NEK1: variants seen among roughly 807,000 people sequenced by gnomAD.
NEK1 encodes NIMA related kinase 1.
A neutral mutation model predicts 182.1 loss-of-function variants in NEK1; 137 were observed. The ratio of observed to expected loss-of-function variants is 0.75; its 90% CI spans 0.65 to 0.87. NEK1 has a LOEUF of 0.87. Ranked by LOEUF, NEK1 falls within the 40% of genes least tolerant of loss-of-function variation. NEK1 has a pLI of 0.00. For missense variants in NEK1, 1,391 were observed against 1,494.4 expected, an observed-to-expected ratio of 0.93 and a Z score of 1.14; for synonymous variants, 513 against 492.2, an observed-to-expected ratio of 1.04 and a Z score of -0.56.
At chr4:169,431,921 T>C (rs563362115) in intron 29 of NEK1, among the ~76,000 whole-genome samples, 11 of 151,822 alleles carry the variant, frequency 7.2e-5, no homozygotes, top group Admixed American at 2.0e-4. Flanking sequence ...TACTTCAGCA[T>C]GGCAAAACCA....
intron 26 of NEK1, among the ~76,000 whole-genome samples, chr4:169,476,490 A>G (rs562607364): frequency 5.8e-4 from 89 of 152,294 alleles, no homozygotes; most frequent in African/African-American, 2.1e-3. Flanking sequence ...TAAATAAGCA[A>G]AATAAATGCT....
rs537606349 is a variant in NEK1 at position 169,493,987 on chromosome 4, T to C, written c.2007+13050A>G. Among the ~76,000 whole-genome samples, 151 of 152,178 alleles carry C rather than the reference T, an allele frequency of 9.9e-4. 1 individual carries two copies. The highest frequency in any genetic ancestry group is 3.5e-3 in the African/African-American group (147 of 41,518). ...AGATGACCATCACCAAGGCACACAGTCATCAGACAATCCAGGGTCAATGTG... is the reference window on the plus strand; with the variant it reads ...AGATGACCATCACCAAGGCACACAGCCATCAGACAATCCAGGGTCAATGTG... On this transcript the variant is annotated intron_variant, in intron 23 of 35. Coordinates refer to ENST00000507142, the MANE Select transcript of NEK1 (RefSeq NM_001199397.3).
intron 23 of NEK1, among the ~76,000 whole-genome samples, chr4:169,483,230 A>C (rs544887641): frequency 1.1e-4 from 17 of 152,324 alleles, no homozygotes; most frequent in African/African-American, 4.1e-4. Flanking sequence ...ACATTCATCA[A>C]TTAAATTTCC....
At chr4:169,499,721 G>T (rs571168104) in intron 23 of NEK1, among the ~76,000 whole-genome samples, 72 of 152,272 alleles carry the variant, frequency 4.7e-4, no homozygotes, top group African/African-American at 1.7e-3. Flanking sequence ...AGTGGATATT[G>T]GTGAACAGCA....
chr4:169,460,237 C>T (rs1314955125), intron 27 of NEK1, among the ~76,000 whole-genome samples: 5 of 151,736 alleles, frequency 3.3e-5, no homozygotes, highest in Non-Finnish European at 5.9e-5. Context: ...TAAAAGAAAG[C>T]GGTACAACTG....
At chr4:169,506,262 A>G (rs575188182) in intron 23 of NEK1, among the ~76,000 whole-genome samples, 20 of 152,286 alleles carry the variant, frequency 1.3e-4, no homozygotes, top group African/African-American at 4.8e-4. Flanking sequence ...CAGAAAAGAC[A>G]GAGTAACAGA....
intron 10 of NEK1, among the ~76,000 whole-genome samples, 184 bp from the exon 11 acceptor site, chr4:169,581,086 T>C (rs1463501327): frequency 6.8e-6 from 1 of 146,852 alleles, no homozygotes; most frequent in Non-Finnish European, 1.5e-5. Context: ...TCGTGGTTCA[T>C]GCCTGAAATC....
chr4:169,537,803 T>A lies in NEK1; in HGVS notation c.1665+6A>T. On this transcript the variant is annotated splice_donor_region_variant and intron_variant, in intron 19 of 35. Coordinates refer to ENST00000507142, the MANE Select transcript of NEK1 (RefSeq NM_001199397.3). The stretch of plus-strand genomic sequence containing the variant: ...TCAAAATCTCAGAAACAAACAAAAT[T>A]CATACCATATGTCCTTCGGCTCGAG... The A allele has an allele frequency of 6.2e-7, 1 of 1,606,660 alleles. No homozygotes were observed. Among genetic ancestry groups the A allele is most frequent in the Non-Finnish European group, 8.5e-7 (1 of 1,173,556 alleles).
chr4:169,472,026 A>T (rs2149530047), intron 26 of NEK1, among the ~76,000 whole-genome samples: 1 of 152,234 alleles, frequency 6.6e-6, no homozygotes, highest in East Asian at 1.9e-4. Flanking sequence ...GTTTCAAGCC[A>T]GTGGATCTTA....
chr4:169,468,799 T>A (rs940840083), intron 26 of NEK1, among the ~76,000 whole-genome samples: 6 of 152,208 alleles, frequency 3.9e-5, no homozygotes, highest in African/African-American at 1.4e-4. Context: ...TCAGAACTTG[T>A]TATTGGTCTA....
In NEK1 at chr4:169,401,745, T is replaced by A. The variant is rs1466904378; in HGVS notation, c.3490A>T (p.Ser1164Cys). 1 of 1,613,968 alleles carries A rather than the reference T, an allele frequency of 6.2e-7. No homozygotes were observed. The highest frequency in any genetic ancestry group is 1.7e-5 in the Admixed American group (1 of 60,012). Residue 1164 changes from serine to cysteine, a missense_variant, in exon 33 of 36, where the codon AGT becomes TGT. Around this residue, in one of 5 missense-constraint regions of NEK1, gnomAD observed 1,216 missense variants for 1,277.6 expected, o/e 0.95. Transcript: ENST00000507142. ...CCATTTGCAGTTGGCTCCACATCACTGTTCTTCAAGACTGACTCTTCTTCT... is the reference window on the plus strand; with the variant it reads ...CCATTTGCAGTTGGCTCCACATCACAGTTCTTCAAGACTGACTCTTCTTCT... Reference protein sequence around the residue: ...SEEEESVLKNSDVEPTANGTD... With the variant: ...SEEEESVLKNCDVEPTANGTD...
chr4:169,587,583 A>G lies in NEK1; in HGVS notation c.582T>C (p.Tyr194=). 1 of 1,550,746 alleles carries G rather than the reference A, an allele frequency of 6.4e-7. No homozygotes were observed. The highest frequency in any genetic ancestry group is 8.7e-7 in the Non-Finnish European group (1 of 1,144,208). ...SDIWALGCVL[Y]ELCTLKHAFE... ...CAGCATGTTTAAGTGTACACAGCTC[A>G]TAAAGGACACACCCCAGAGCCCAAA... The change falls in exon 9 of 36, where the codon TAT becomes TAC. Residue 194 remains tyrosine (Y), a synonymous_variant. Transcript: ENST00000507142.
Position 169,508,248 on chromosome 4 carries a change from C to CT in NEK1, c.1832dup (p.Lys612GlufsTer4). ...TCAAAAAAATAGCTTTTCAACCTACCTTTTCACCACGAAGTTTGGCTTTAA... is the reference window on the plus strand; with the variant it reads ...TCAAAAAAATAGCTTTTCAACCTACCTTTTTCACCACGAAGTTTGGCTTTAA... On this transcript the variant is annotated frameshift_variant and splice_region_variant, in exon 21 of 36. Coordinates refer to ENST00000507142, the MANE Select transcript of NEK1 (RefSeq NM_001199397.3). LOFTEE classifies it high-confidence loss of function. 2 of 1,584,554 alleles carry CT rather than the reference C, an allele frequency of 1.3e-6. No homozygotes were observed. The highest frequency in any genetic ancestry group is 1.7e-6 in the Non-Finnish European group (2 of 1,167,152).
chr4:169,591,429 C>T (rs1768494091), intron 5 of NEK1, among the ~76,000 whole-genome samples: 1 of 151,976 alleles, frequency 6.6e-6, no homozygotes, highest in Non-Finnish European at 1.5e-5. Flanking sequence ...GCCTTGGCCT[C>T]CCAAAGTACT....
chr4:169,497,443 C>T (rs1054037265), intron 23 of NEK1, among the ~76,000 whole-genome samples: 4 of 152,132 alleles, frequency 2.6e-5, no homozygotes, highest in African/African-American at 9.7e-5. Context: ...TTGCCTTCTG[C>T]TAGCTTTTGA....
intron 27 of NEK1, among the ~76,000 whole-genome samples, chr4:169,443,471 C>T (rs1359277046): frequency 1.3e-5 from 2 of 148,744 alleles, no homozygotes; most frequent in African/African-American, 2.5e-5. Flanking sequence ...AAATAATCCA[C>T]TCAGAAAATA....
At chr4:169,597,297 G>A (rs533088194) in intron 5 of NEK1, among the ~76,000 whole-genome samples, 1 of 152,076 alleles carries the variant, frequency 6.6e-6, no homozygotes, top group Non-Finnish European at 1.5e-5. Context: ...TTGATAAGTA[G>A]AGCAAGAACT....
intron 12 of NEK1, among the ~76,000 whole-genome samples, chr4:169,569,011 T>C (rs924314208): frequency 2.0e-5 from 3 of 151,792 alleles, no homozygotes; most frequent in East Asian, 1.9e-4. Flanking sequence ...TAAATGCGTG[T>C]GTAAATACTG....
rs1211279555 is a variant in NEK1, at chr4:169,423,969, ATCTTATTTTGGTAAAAAGTTATG to A, written c.3222+561_3222+583del. 2.6e-5 allele frequency among the ~76,000 whole-genome samples: 4 copies of A among 152,176 alleles called. No individual in the cohort carries two copies. In the East Asian group the frequency reaches 7.7e-4, roughly 29 times the overall value. Reference sequence around the variant, plus strand: ...AAAGGTTATAAAGAGTATACATAAAATCTTATTTTGGTAAAAAGTTATGTATATGCAAAGGTTATATAAAGAGT... The same window carrying A: ...AAAGGTTATAAAGAGTATACATAAAATATATGCAAAGGTTATATAAAGAGT... On this transcript the variant is annotated intron_variant, in intron 31 of 35. Transcript: ENST00000507142.
Sources: allele counts gnomAD v4.1 joint callset (sites outside exome capture counted in the v4.1 genomes callset), GRCh38; gene constraint gnomAD v4.1.1; regional missense constraint gnomAD v4.1.1; transcripts MANE v1.5; gene names NCBI Gene and HGNC (gene_info 2026-07-23, HGNC 2026-07-21).